PRKCQ: variants seen among roughly 807,000 people sequenced by gnomAD.
PRKCQ encodes the protein protein kinase C theta.
A neutral mutation model predicts 91.2 loss-of-function variants in PRKCQ; 41 were observed. The observed-to-expected ratio is 0.45, with a 90% confidence interval of 0.35 to 0.58. The LOEUF (loss-of-function observed/expected upper bound fraction) is 0.58. Among genes scored for constraint, PRKCQ ranks in the 20% least tolerant of loss-of-function variants. PRKCQ has a pLI of 0.00. For missense variants in PRKCQ, 673 were observed against 896.5 expected (o/e 0.75, Z 3.18); for synonymous variants, 307 against 316.9 (o/e 0.97, Z 0.33).
intron 4 of PRKCQ, among the ~76,000 whole-genome samples, chr10:6,500,348 G>C (rs967172472): frequency 2.6e-5 from 4 of 151,684 alleles, no homozygotes; most frequent in Non-Finnish European, 5.9e-5. Flanking sequence ...ACCCTATACA[G>C]GTTTTTACTG....
the PRKCQ span, among the ~76,000 whole-genome samples, chr10:6,402,954 C>CCA: frequency 6.6e-6 from 1 of 152,160 alleles, no homozygotes; most frequent in Non-Finnish European, 1.5e-5. Flanking sequence ...GGAATTAGGA[C>CCA]CACTTTTTAA....
chr10:6,546,062 CACA>C (rs1293100127), intron 1 of PRKCQ, among the ~76,000 whole-genome samples: 1 of 152,174 alleles, frequency 6.6e-6, no homozygotes, highest in South Asian at 2.1e-4. Flanking sequence ...CGTATTCTAG[CACA>C]ACAACAAAAG....
intron 4 of PRKCQ, among the ~76,000 whole-genome samples, chr10:6,501,145 C>T (rs1325652982): frequency 6.6e-6 from 1 of 151,816 alleles, no homozygotes; most frequent in Non-Finnish European, 1.5e-5. Flanking sequence ...CTTGTGAGAA[C>T]TCATAATCTT....
chr10:6,580,300 G>GGGGCTGGCA (rs1841430401), upstream of PRKCQ: 1 of 147,016 alleles, frequency 6.8e-6, no homozygotes, highest in Non-Finnish European at 1.5e-5. Context: ...CGGGGCTGGC[G>GGGGCTGGCA]GGGCTGGCGG....
At chr10:6,477,510 A>G (rs2130759558) in intron 12 of PRKCQ, among the ~76,000 whole-genome samples, 1 of 152,224 alleles carries the variant, frequency 6.6e-6, no homozygotes, top group East Asian at 1.9e-4. Flanking sequence ...AATTCTTCCC[A>G]TGGCTCAAGT....
At chr10:6,484,172 G>A (rs968004220) in intron 10 of PRKCQ, among the ~76,000 whole-genome samples, 1 of 152,142 alleles carries the variant, frequency 6.6e-6, no homozygotes, top group African/African-American at 2.4e-5. Flanking sequence ...TGACAACTTC[G>A]GGAGGCCGAG....
chr10:6,427,186 T>G lies in PRKCQ; in HGVS notation c.*1021A>C, dbSNP rs1169017703. 6.6e-6 allele frequency: 1 copy of G among 152,166 alleles called. No homozygotes were observed. Among genetic ancestry groups the G allele is most frequent in the Non-Finnish European group, 1.5e-5 (1 of 68,028 alleles). The allele number at this position is 152,166 out of a possible 1,614,324, so 9.4% of individuals were successfully genotyped here. On this transcript the variant is annotated 3_prime_UTR_variant, in exon 18 of 18. Coordinates refer to ENST00000263125, the MANE Select transcript of PRKCQ (RefSeq NM_006257.5). ...ATTCCATTTTTACACATCCACCTGT[T>G]TGCCATGAAGTCACAACATTTTATC... is the stretch of plus-strand genomic sequence containing the variant.
At chr10:6,420,165 T>G in the PRKCQ span, among the ~76,000 whole-genome samples, 1 of 152,140 alleles carries the variant, frequency 6.6e-6, no homozygotes, top group Admixed American at 6.5e-5. Flanking sequence ...ATTTTTGTAT[T>G]TTTAGTAGAG....
chr10:6,444,536 G>GAGTT (rs1033114826), intron 15 of PRKCQ, among the ~76,000 whole-genome samples: 3 of 152,088 alleles, frequency 2.0e-5, no homozygotes, highest in Admixed American at 6.5e-5. Flanking sequence ...CTCCAAGGAT[G>GAGTT]AGTTGCGGGC....
intron 15 of PRKCQ, among the ~76,000 whole-genome samples, chr10:6,447,562 C>T (rs147122433): frequency 6.6e-6 from 1 of 152,138 alleles, no homozygotes; most frequent in African/African-American, 2.4e-5. Flanking sequence ...CACTTTAGCT[C>T]TCAGGAGGTG....
intron 12 of PRKCQ, among the ~76,000 whole-genome samples, chr10:6,466,150 T>C (rs1426617132): frequency 3.3e-5 from 5 of 151,782 alleles, no homozygotes; most frequent in Non-Finnish European, 5.9e-5. Flanking sequence ...CAACAGTGCT[T>C]GAGTGAACGG....
chr10:6,431,488 T>G (rs896806785), intron 16 of PRKCQ, among the ~76,000 whole-genome samples: 2 of 151,896 alleles, frequency 1.3e-5, no homozygotes, highest in African/African-American at 4.8e-5. Context: ...GCACACCCAC[T>G]AAAACACAAA....
chr10:6,530,468 A>T (rs562443678), intron 1 of PRKCQ, among the ~76,000 whole-genome samples: 6 of 152,378 alleles, frequency 3.9e-5, no homozygotes, highest in African/African-American at 1.4e-4. Flanking sequence ...GTGAGCTAAC[A>T]GTTTTATAGA....
intron 4 of PRKCQ, among the ~76,000 whole-genome samples, chr10:6,501,188 A>G (rs991365229): frequency 6.6e-6 from 1 of 152,176 alleles, no homozygotes; most frequent in Non-Finnish European, 1.5e-5. Flanking sequence ...TAAGAATAGA[A>G]GTAGAAGGGA....
rs1417977994 is a variant in PRKCQ at position 6,577,952 on chromosome 10, G to A, written c.-10+2259C>T. 3.3e-5 allele frequency among the ~76,000 whole-genome samples: 5 copies of A among 152,300 alleles called. No individual in the cohort carries two copies. The East Asian group carries it at 9.6e-4, about 29-fold the overall frequency. On this transcript the variant is annotated intron_variant, in intron 1 of 17. Transcript: ENST00000263125. ...AGAAAATTCTGGACCCAGTCCACAT[G>A]GAATTTTGGTTAAAACATCTAATTC... is the stretch of plus-strand genomic sequence containing the variant.
chr10:6,562,692 G>A (rs1269350149), intron 1 of PRKCQ, among the ~76,000 whole-genome samples: 5 of 152,216 alleles, frequency 3.3e-5, no homozygotes, highest in Non-Finnish European at 5.9e-5. Context: ...GCTACATGGA[G>A]TATTAAGAAC....
chr10:6,417,116 C>T, the PRKCQ span, among the ~76,000 whole-genome samples: 104 of 152,146 alleles, frequency 6.8e-4, no homozygotes, highest in African/African-American at 2.4e-3. Context: ...CTCAGGAAAA[C>T]CTTAAAAGCA....
chr10:6,511,123 T>C lies in PRKCQ; in HGVS notation c.190A>G (p.Ile64Val), dbSNP rs534081531. Residue 64 changes from isoleucine to valine, a missense_variant, in exon 3 of 18, where the codon ATC (isoleucine) becomes GTC (valine). Coordinates refer to ENST00000263125, the MANE Select transcript of PRKCQ (RefSeq NM_006257.5). ...PPWDSTFDAHINKGRVMQIIV... is the reference protein window; with the variant it reads ...PPWDSTFDAHVNKGRVMQIIV... ...ATCTGCATGACTCTTCCCTTGTTGA[T>C]ATGGGCATCAAAAGTGCTGTCCCAG... The C allele has an allele frequency of 2.5e-6, 4 of 1,614,174 alleles. No homozygotes were observed. The African/African-American group carries it at 5.3e-5, about 22-fold the overall frequency.
At chr10:6,481,512 TG>T (rs1836596620) in intron 11 of PRKCQ, among the ~76,000 whole-genome samples, 2 of 152,356 alleles carry the variant, frequency 1.3e-5, no homozygotes, top group South Asian at 4.1e-4. Flanking sequence ...ATGAGCCTAC[TG>T]TGGTTCATAT....
Sources: allele counts gnomAD v4.1 joint callset (sites outside exome capture counted in the v4.1 genomes callset), GRCh38; gene constraint gnomAD v4.1.1; transcripts MANE v1.5; gene names NCBI Gene and HGNC (gene_info 2026-07-23, HGNC 2026-07-21).